The following LRTM1 variants were observed in gnomAD, a reference collection of about 807,000 sequenced individuals.
LRTM1 encodes the protein leucine rich repeat transmembrane protein 1.
Under a neutral mutation model 32.4 loss-of-function variants are expected in LRTM1, and 38 were observed. The observed-to-expected ratio is 1.17, with a 90% CI of 0.91 to 1.54. LRTM1 has a LOEUF of 1.54. Among genes scored for constraint, LRTM1 ranks in the 40% most tolerant of loss-of-function variants. The pLI is 0.00. For missense variants in LRTM1, 466 were observed against 415.4 expected, an observed-to-expected ratio of 1.12 and a Z score of -1.06; for synonymous variants, 186 against 169.9, an observed-to-expected ratio of 1.09 and a Z score of -0.74.
At chr3:54,966,758 G>A (rs1340537234) in intron 1 of LRTM1, among the ~76,000 whole-genome samples, 1 of 152,192 alleles carries the variant, frequency 6.6e-6, no homozygotes, top group African/African-American at 2.4e-5. Flanking sequence ...AGCAGAGGTT[G>A]CAGTGAGCTG....
intron 1 of LRTM1, among the ~76,000 whole-genome samples, chr3:54,927,462 G>T (rs1701055001): frequency 6.6e-6 from 1 of 152,102 alleles, no homozygotes; most frequent in South Asian, 2.1e-4. Flanking sequence ...CTCATTTTTA[G>T]CTGTGGGGCT....
At chr3:54,952,358 C>G (rs928785451) in intron 1 of LRTM1, among the ~76,000 whole-genome samples, 7 of 152,164 alleles carry the variant, frequency 4.6e-5, no homozygotes, top group Admixed American at 2.0e-4. Flanking sequence ...TGTCTTATTT[C>G]TTCAGAGGGA....
At chr3:54,951,027 A>G (rs183187168) in intron 1 of LRTM1, among the ~76,000 whole-genome samples, 1 of 152,328 alleles carries the variant, frequency 6.6e-6, no homozygotes, top group Admixed American at 6.5e-5. Flanking sequence ...TCCCTTTACT[A>G]TCTCCAAATG....
chr3:54,949,669 CT>C (rs1047885251), intron 1 of LRTM1, among the ~76,000 whole-genome samples: 5 of 152,186 alleles, frequency 3.3e-5, no homozygotes, highest in Non-Finnish European at 2.9e-5. Context: ...AAACAGTAAC[CT>C]GAAAAACCGC....
At chr3:54,964,899 C>T (rs934287870) in intron 1 of LRTM1, among the ~76,000 whole-genome samples, 3 of 151,980 alleles carry the variant, frequency 2.0e-5, no homozygotes, top group African/African-American at 4.8e-5. Flanking sequence ...CCGTTACTCT[C>T]GATCCCTTAC....
chr3:54,934,673 G>T lies in LRTM1; in HGVS notation c.-221-9458C>A, dbSNP rs957303889. 5.3e-5 allele frequency among the ~76,000 whole-genome samples: 8 copies of T among 152,134 alleles called. No homozygotes were observed. The South Asian group carries it at 1.0e-3, about 20-fold the overall frequency. On this transcript the variant is annotated intron_variant, in intron 1 of 2. Transcript: ENST00000493075. ...GCCAGGTTCTGTGTAGACTAGAAAA[G>T]ATATTGCATACTGGTTCCTGGTCTT...
chr3:54,960,607 A>G (rs988333485), intron 1 of LRTM1, among the ~76,000 whole-genome samples: 2 of 152,192 alleles, frequency 1.3e-5, no homozygotes, highest in Non-Finnish European at 2.9e-5. Flanking sequence ...GTTGCTGATC[A>G]TTCTCCCTTG....
chr3:54,919,282 T>C (rs1482025317), intron 2 of LRTM1, among the ~76,000 whole-genome samples: 2 of 152,240 alleles, frequency 1.3e-5, no homozygotes, highest in East Asian at 3.8e-4. Flanking sequence ...AAAACTTTTG[T>C]ACCAGATTCC....
At position 54,966,735 on chromosome 3, in the gene LRTM1, C is replaced by T. The variant is rs58700009; in HGVS notation, c.-222+193G>A. Among the ~76,000 whole-genome samples the T allele has an allele frequency of 1.8e-4, 27 of 152,248 alleles. No homozygotes were observed. The East Asian group carries it at 4.8e-3, about 27-fold the overall frequency. The stretch of plus-strand genomic sequence containing the variant: ...TCGGGAGGCTGAGGCATGAGAATCA[C>T]TTGAACCCGGGAAGCAGAGGTTGCA... On this transcript the variant is annotated intron_variant, in intron 1 of 2. Coordinates refer to the LRTM1 transcript ENST00000493075.
chr3:54,963,626 G>A (rs1007817693), intron 1 of LRTM1, among the ~76,000 whole-genome samples: 1 of 152,188 alleles, frequency 6.6e-6, no homozygotes, highest in Admixed American at 6.5e-5. Flanking sequence ...CAAGCATGCC[G>A]ATCATTGGTA....
In LRTM1 at chr3:54,918,345, T is replaced by C. The variant is rs1415317837; in HGVS notation, c.*114A>G. Reference sequence around the variant, plus strand: ...TCTTTTTTTTTTCTTTTTTTTTTTTTTTTTTTTTTTGTCTTTTGGCAAAAG... The same window carrying C: ...TCTTTTTTTTTTCTTTTTTTTTTTTCTTTTTTTTTTGTCTTTTGGCAAAAG... On this transcript the variant is annotated 3_prime_UTR_variant, in exon 3 of 3. Transcript: ENST00000273286. The C allele has an allele frequency of 3.1e-5, 12 of 386,902 alleles. 1 individual carries two copies. Among genetic ancestry groups the C allele is most frequent in the Admixed American group, 8.8e-5 (2 of 22,648 alleles). The allele number at this position is 386,902 out of a possible 1,614,324, so 24.0% of individuals were successfully genotyped here.
chr3:54,934,110 G>A (rs1455090864), intron 1 of LRTM1, among the ~76,000 whole-genome samples: 1 of 152,142 alleles, frequency 6.6e-6, no homozygotes, highest in Non-Finnish European at 1.5e-5. Context: ...TACAAAACAG[G>A]GACGGAGAAG....
upstream of LRTM1, among the ~76,000 whole-genome samples, chr3:54,930,383 A>G (rs116515682): frequency 6.6e-6 from 1 of 152,308 alleles, no homozygotes; most frequent in African/African-American, 2.4e-5. Flanking sequence ...CATAAATGGG[A>G]TTGAAAGGCA....
At chr3:54,949,773 A>C (rs1035269641) in intron 1 of LRTM1, among the ~76,000 whole-genome samples, 2 of 150,690 alleles carry the variant, frequency 1.3e-5, no homozygotes, top group East Asian at 4.0e-4. Context: ...CCACAGATAG[A>C]TGCATCCTTA....
chr3:54,957,035 A>T (rs1012899374), intron 1 of LRTM1, among the ~76,000 whole-genome samples: 3 of 152,192 alleles, frequency 2.0e-5, no homozygotes, highest in African/African-American at 7.2e-5. Context: ...TTAGCAATAA[A>T]GTTTTTTAAG....
chr3:54,918,394 C>T lies in LRTM1; in HGVS notation c.*65G>A, dbSNP rs1700725150. The T allele has an allele frequency of 2.1e-6, 2 of 952,124 alleles. No individual in the cohort carries two copies. The highest frequency in any genetic ancestry group is 4.6e-5 in the Admixed American group (2 of 43,344). 59.0% of individuals were successfully genotyped at this position (952,124 alleles called of 1,614,324 possible). On this transcript the variant is annotated 3_prime_UTR_variant, in exon 3 of 3. Transcript: ENST00000273286. ...AGCAAAATCAGACTAACAGGAAACA[C>T]ATCAGCCCTACTCAGACACTATCTT...
intron 1 of LRTM1, among the ~76,000 whole-genome samples, chr3:54,944,635 A>G (rs2106995787): frequency 6.6e-6 from 1 of 152,056 alleles, no homozygotes. Context: ...GTTAGCCAGG[A>G]TGGTCTCGAA....
At chr3:54,958,245 C>T (rs547122096) in intron 1 of LRTM1, among the ~76,000 whole-genome samples, 5 of 152,322 alleles carry the variant, frequency 3.3e-5, no homozygotes, top group Non-Finnish European at 5.9e-5. Context: ...TTCCATGTAT[C>T]GGATGGGTGT....
At position 54,924,818 on chromosome 3, in the gene LRTM1, G is replaced by A. The variant is rs781699128; in HGVS notation, c.405C>T (p.Ser135=). The A allele has an allele frequency of 4.3e-6, 7 of 1,614,054 alleles. No individual in the cohort carries two copies. Among genetic ancestry groups the A allele is most frequent in the Non-Finnish European group, 5.9e-6 (7 of 1,179,986 alleles). ...RELDLSSNNI[S]HLPTSLGETW... is the part of the protein sequence containing the mutation. The stretch of plus-strand genomic sequence containing the variant: ...TCTCTCCCAAGGATGTGGGAAGGTG[G>A]CTTATGTTGTTTGATGACAAATCAA... The change falls in exon 2 of 3, where the codon AGC becomes AGT. Residue 135 remains serine (S), a synonymous_variant. Coordinates refer to ENST00000273286, the MANE Select transcript of LRTM1 (RefSeq NM_020678.4).
Sources: allele counts gnomAD v4.1 joint callset (sites outside exome capture counted in the v4.1 genomes callset), GRCh38; gene constraint gnomAD v4.1.1; transcripts MANE v1.5; gene names NCBI Gene and HGNC (gene_info 2026-07-23, HGNC 2026-07-21).